FOXN3: variants seen among roughly 807,000 people sequenced by gnomAD.
FOXN3 encodes the protein forkhead box protein N3.
In FOXN3, 7 loss-of-function variants were observed where a neutral mutation model predicts 38.4. The ratio of observed to expected loss-of-function variants is 0.18; its 90% CI spans 0.10 to 0.34. The LOEUF (loss-of-function observed/expected upper bound fraction) is 0.34, where lower values mean the gene tolerates loss of function less well. Ranked by LOEUF, FOXN3 falls within the 10% of genes least tolerant of loss-of-function variation. The pLI is 1.00. For synonymous variants in FOXN3, 230 were observed against 242.2 expected (o/e 0.95, Z 0.47); for missense variants, 456 against 613.4 (o/e 0.74, Z 2.71).
chr14:89,175,788 C>A (rs1022309837), intron 5 of FOXN3, among the ~76,000 whole-genome samples: 1 of 152,148 alleles, frequency 6.6e-6, no homozygotes, highest in Admixed American at 6.5e-5. Flanking sequence ...TTCTTTTCTG[C>A]CACCTGATGA....
chr14:89,444,957 C>CA (rs201581943), intron 1 of FOXN3, among the ~76,000 whole-genome samples: 14 of 151,526 alleles, frequency 9.2e-5, no homozygotes, highest in Admixed American at 5.9e-4. Context: ...CCCATCTCTA[C>CA]AAAAAAAATA....
intron 1 of FOXN3, among the ~76,000 whole-genome samples, chr14:89,600,971 C>A (rs1397892913): frequency 1.3e-5 from 2 of 152,180 alleles, no homozygotes; most frequent in Non-Finnish European, 2.9e-5. Flanking sequence ...TTCCATGAAG[C>A]AAACAACATA....
intron 2 of FOXN3, among the ~76,000 whole-genome samples, chr14:89,353,074 G>A (rs1889044606): frequency 6.6e-6 from 1 of 152,206 alleles, no homozygotes; most frequent in Non-Finnish European, 1.5e-5. Context: ...CAAGGTAATT[G>A]ATCCAGATGC....
chr14:89,396,263 A>G (rs1596250280), intron 2 of FOXN3, among the ~76,000 whole-genome samples: 1 of 152,246 alleles, frequency 6.6e-6, no homozygotes, highest in Non-Finnish European at 1.5e-5. Flanking sequence ...TCCCACATAA[A>G]TAACACCAGT....
At chr14:89,584,737 G>C (rs1367581901) in intron 1 of FOXN3, among the ~76,000 whole-genome samples, 1 of 150,252 alleles carries the variant, frequency 6.7e-6, no homozygotes, top group Non-Finnish European at 1.5e-5. Context: ...TTTTTTGACA[G>C]AGTCTCACTC....
intron 1 of FOXN3, among the ~76,000 whole-genome samples, chr14:89,566,284 T>C (rs1490906225): frequency 2.7e-5 from 4 of 148,672 alleles, no homozygotes; most frequent in African/African-American, 9.7e-5. Context: ...CAGAAAAGCC[T>C]ACAGAGGTAT....
chr14:89,341,474 T>C (rs910342434), intron 3 of FOXN3, among the ~76,000 whole-genome samples: 2 of 152,206 alleles, frequency 1.3e-5, no homozygotes, highest in Admixed American at 1.3e-4. Flanking sequence ...TTCTATGTTC[T>C]TCAAATCTTT....
chr14:89,458,435 A>G (rs535644363), intron 1 of FOXN3, among the ~76,000 whole-genome samples: 9 of 152,130 alleles, frequency 5.9e-5, no homozygotes, highest in Non-Finnish European at 1.2e-4. Context: ...GGATTAGCAC[A>G]TTGTGCTCCC....
At chr14:89,354,131 T>C (rs140226918) in intron 2 of FOXN3, among the ~76,000 whole-genome samples, 2,418 of 152,284 alleles carry the variant, frequency 0.016, 36 homozygotes, top group Middle Eastern at 0.044. Context: ...AACTTGATTA[T>C]AGTTGTGTAG....
chr14:89,477,154 A>G (rs1277474273), intron 1 of FOXN3, among the ~76,000 whole-genome samples: 1 of 152,138 alleles, frequency 6.6e-6, no homozygotes, highest in Non-Finnish European at 1.5e-5. Flanking sequence ...CTACTTGTGC[A>G]TATCTGTGTA....
chr14:89,300,427 C>T (rs1489228369), intron 3 of FOXN3, among the ~76,000 whole-genome samples: 1 of 152,150 alleles, frequency 6.6e-6, no homozygotes, highest in Non-Finnish European at 1.5e-5. Context: ...GGTGATCCAC[C>T]TGCCTCGGCC....
intron 4 of FOXN3, among the ~76,000 whole-genome samples, chr14:89,225,628 A>G (rs1884612857): frequency 2.0e-5 from 3 of 152,150 alleles, no homozygotes; most frequent in African/African-American, 7.2e-5. Context: ...TAAAAATAAA[A>G]ATATGAAATA....
intron 1 of FOXN3, among the ~76,000 whole-genome samples, chr14:89,487,218 T>C (rs1893464633): frequency 6.6e-6 from 1 of 152,164 alleles, no homozygotes; most frequent in East Asian, 1.9e-4. Context: ...TCTTGCAAAA[T>C]AGGAAAGTTG....
chr14:89,268,115 T>TGTTTAAGTGTGATGA (rs1886039853), intron 4 of FOXN3, among the ~76,000 whole-genome samples: 1 of 152,208 alleles, frequency 6.6e-6, no homozygotes, highest in East Asian at 1.9e-4. Flanking sequence ...TATACATATA[T>TGTTTAAGTGTGATGA]GCTGCTTGGT....
At chr14:89,199,420 G>A (rs1888180361) in intron 4 of FOXN3, among the ~76,000 whole-genome samples, 1 of 152,114 alleles carries the variant, frequency 6.6e-6, no homozygotes, top group African/African-American at 2.4e-5. Flanking sequence ...CACCAAGAGG[G>A]GCCTTTCTTC....
At chr14:89,607,647 T>TA (rs1487507853) in intron 1 of FOXN3, among the ~76,000 whole-genome samples, 1 of 151,476 alleles carries the variant, frequency 6.6e-6, no homozygotes, top group African/African-American at 2.4e-5. Context: ...CAAGTTCTGA[T>TA]AAAGCCAAGA....
intron 4 of FOXN3, among the ~76,000 whole-genome samples, chr14:89,211,227 A>C (rs2139831360): frequency 6.6e-6 from 1 of 152,364 alleles, no homozygotes; most frequent in South Asian, 2.1e-4. Context: ...TTGGAGATTA[A>C]GCTTTGCAAG....
At chr14:89,519,339 G>A (rs1208217312) in intron 1 of FOXN3, among the ~76,000 whole-genome samples, 1 of 152,132 alleles carries the variant, frequency 6.6e-6, no homozygotes, top group Non-Finnish European at 1.5e-5. Context: ...TCTTCACACT[G>A]CCTCCCTCAC....
chr14:89,368,083 C>G (rs1275340640), intron 2 of FOXN3, among the ~76,000 whole-genome samples: 1 of 152,024 alleles, frequency 6.6e-6, no homozygotes, highest in Non-Finnish European at 1.5e-5. Flanking sequence ...AATCCCAACA[C>G]TTTGGGAGGC....
Sources: allele counts gnomAD v4.1 joint callset (sites outside exome capture counted in the v4.1 genomes callset), GRCh38; gene constraint gnomAD v4.1.1; transcripts MANE v1.5; gene names NCBI Gene and HGNC (gene_info 2026-07-23, HGNC 2026-07-21).